TLN2: variants seen among roughly 807,000 people sequenced by gnomAD.
TLN2 encodes talin 2.
A neutral mutation model predicts 294.7 loss-of-function variants in TLN2; 118 were observed. The observed-to-expected ratio is 0.40, with a 90% CI of 0.34 to 0.47. The LOEUF is 0.47. TLN2 is among the 20% of genes least tolerant of loss of function. The pLI, the probability that TLN2 is intolerant of heterozygous loss-of-function variation, is 0.84. For missense variants in TLN2, 3,083 were observed against 3,282.2 expected, an observed-to-expected ratio of 0.94 and a Z score of 1.48; for synonymous variants, 1,431 against 1,304.5, an observed-to-expected ratio of 1.10 and a Z score of -2.09.
In TLN2 at chr15:62,650,195, C is replaced by A. The variant is rs1159092208; in HGVS notation, c.234+14C>A. The A allele has an allele frequency of 1.2e-6, 2 of 1,613,520 alleles. No homozygotes were observed. Among genetic ancestry groups the A allele is most frequent in the Admixed American group, 3.3e-5 (2 of 60,024 alleles). ...TTGCGGAATGGGGTATGCTGCCAATCCCAGTGCTGTTTCTTCATCCCTTTG... is the reference window on the plus strand; with the variant it reads ...TTGCGGAATGGGGTATGCTGCCAATACCAGTGCTGTTTCTTCATCCCTTTG... On this transcript the variant is annotated intron_variant, in intron 5 of 58. Transcript: ENST00000636159.
intron 51 of TLN2, 34 bp from the exon 52 acceptor site, chr15:62,809,891 A>C (rs368245724): frequency 2.5e-6 from 4 of 1,603,816 alleles, no homozygotes; most frequent in South Asian, 1.1e-5. Context: ...GGCTTTTCCC[A>C]TGTTAAGATT....
chr15:62,492,193 T>A (rs2038771234), intron 1 of TLN2, among the ~76,000 whole-genome samples: 1 of 151,972 alleles, frequency 6.6e-6, no homozygotes. Context: ...GGCTCACGCC[T>A]GTAATCCCAG....
Position 62,748,366 on chromosome 15 carries a change from C to T in TLN2, c.4041C>T (p.Ser1347=). 6.2e-7 allele frequency: 1 copy of T among 1,611,254 alleles called. No individual in the cohort carries two copies. Among genetic ancestry groups the T allele is most frequent in the Non-Finnish European group, 8.5e-7 (1 of 1,179,326 alleles). ...LAAAARAVTE[S]INQLITLCTQ... ...TCTGTCACAGAGCTGTGACAGAGAG[C>T]ATCAATCAACTCATCACTCTGTGTA... is the stretch of plus-strand genomic sequence containing the variant. The change falls in exon 33 of 59, where the codon AGC becomes AGT. Residue 1347 remains serine, a synonymous_variant. Transcript: ENST00000636159.
rs117823408 is a variant in TLN2 at position 62,437,793 on chromosome 15, A to G, written c.-238+47108A>G. On this transcript the variant is annotated intron_variant, in intron 1 of 58. Transcript: ENST00000636159. Reference sequence around the variant, plus strand: ...TGTGTGTCTGTCTGTCTGTCTGCCAATTGGTGCAGTGGCCTCTGCATCCTG... The same window carrying G: ...TGTGTGTCTGTCTGTCTGTCTGCCAGTTGGTGCAGTGGCCTCTGCATCCTG... Among the ~76,000 whole-genome samples the G allele has an allele frequency of 5.7e-4, 86 of 151,784 alleles. 1 individual carries two copies. In the East Asian group the frequency reaches 0.015, roughly 26 times the overall value.
intron 5 of TLN2, among the ~76,000 whole-genome samples, chr15:62,650,389 G>T (rs1488124958): frequency 6.6e-6 from 1 of 152,204 alleles, no homozygotes; most frequent in African/African-American, 2.4e-5. Context: ...GCAGTTCGAG[G>T]TTAGTATTTT....
chr15:62,427,099 C>T (rs1166741733), intron 1 of TLN2, among the ~76,000 whole-genome samples: 4 of 152,064 alleles, frequency 2.6e-5, no homozygotes, highest in Non-Finnish European at 5.9e-5. Context: ...GGAGCACCCC[C>T]GAGGTTATTG....
chr15:62,505,002 G>A (rs562997104), intron 1 of TLN2, among the ~76,000 whole-genome samples: 1 of 152,278 alleles, frequency 6.6e-6, no homozygotes, highest in African/African-American at 2.4e-5. Flanking sequence ...TGTTCCCCAG[G>A]CTGGAGTGTA....
intron 3 of TLN2, among the ~76,000 whole-genome samples, chr15:62,628,541 TAA>T (rs1194047566): frequency 2.0e-5 from 3 of 152,252 alleles, no homozygotes; most frequent in African/African-American, 7.2e-5. Context: ...CATGCTAAAA[TAA>T]AGACATTTTT....
At chr15:62,793,065 A>T (rs1007392510) in intron 46 of TLN2, among the ~76,000 whole-genome samples, 2 of 152,198 alleles carry the variant, frequency 1.3e-5, no homozygotes, top group Non-Finnish European at 2.9e-5. Context: ...CCGTAGGCAG[A>T]TTGTATCAAA....
intron 52 of TLN2, among the ~76,000 whole-genome samples, chr15:62,813,857 T>A (rs2066881426): frequency 6.6e-6 from 1 of 151,688 alleles, no homozygotes; most frequent in Non-Finnish European, 1.5e-5. Flanking sequence ...CCTCGTTGCC[T>A]GGGCTGGAGT....
intron 7 of TLN2, among the ~76,000 whole-genome samples, chr15:62,655,584 A>AGT (rs2053118732): frequency 1.7e-4 from 2 of 11,772 alleles, no homozygotes; most frequent in African/African-American, 1.9e-4. Flanking sequence ...CATTCATTGT[A>AGT]GCACATGTCA....
intron 11 of TLN2, among the ~76,000 whole-genome samples, chr15:62,682,732 C>T (rs1374843862): frequency 6.6e-6 from 1 of 152,082 alleles, no homozygotes; most frequent in Non-Finnish European, 1.5e-5. Flanking sequence ...ATCTGCTACA[C>T]CAAAACCCCA....
At chr15:62,626,633 T>C (rs769720295) in intron 3 of TLN2, among the ~76,000 whole-genome samples, 9 of 152,214 alleles carry the variant, frequency 5.9e-5, no homozygotes, top group Non-Finnish European at 1.0e-4. Flanking sequence ...CATGATGGCA[T>C]GGGCTGCTAG....
chr15:62,612,866 G>A (rs1290178448), intron 2 of TLN2, among the ~76,000 whole-genome samples: 1 of 152,164 alleles, frequency 6.6e-6, no homozygotes, highest in Non-Finnish European at 1.5e-5. Flanking sequence ...GATCTTCCAG[G>A]CTTTATGAAA....
chr15:62,525,913 A>T (rs945156386), intron 1 of TLN2, among the ~76,000 whole-genome samples: 1 of 152,172 alleles, frequency 6.6e-6, no homozygotes, highest in African/African-American at 2.4e-5. Flanking sequence ...TGTGGGATCT[A>T]TAACTCTGCC....
At chr15:62,583,902 T>C (rs946581185) in intron 1 of TLN2, among the ~76,000 whole-genome samples, 1 of 152,196 alleles carries the variant, frequency 6.6e-6, no homozygotes. Context: ...ATCTCTGTTT[T>C]TTTTGGTTGT....
intron 1 of TLN2, among the ~76,000 whole-genome samples, chr15:62,477,904 G>C (rs1037165474): frequency 3.4e-5 from 5 of 146,796 alleles, no homozygotes; most frequent in East Asian, 2.1e-4. Flanking sequence ...GGGGATGGAG[G>C]GGGGGGTGCA....
chr15:62,811,461 G>C (rs2066672077), intron 52 of TLN2, among the ~76,000 whole-genome samples: 2 of 152,186 alleles, frequency 1.3e-5, no homozygotes, highest in South Asian at 2.1e-4. Flanking sequence ...GCTTTCCAAA[G>C]ACCTCTTTTT....
At chr15:62,489,712 G>C (rs182766590) in intron 1 of TLN2, among the ~76,000 whole-genome samples, 3 of 152,300 alleles carry the variant, frequency 2.0e-5, no homozygotes, top group Non-Finnish European at 4.4e-5. Context: ...TGTGATCGCA[G>C]AGACCAAGTG....
Sources: gnomAD v4.1 joint callset for allele counts (sites outside exome capture counted in the v4.1 genomes callset) on GRCh38, gnomAD v4.1.1 for gene constraint, MANE v1.5 for transcripts, NCBI Gene and HGNC (gene_info 2026-07-23, HGNC 2026-07-21) for gene names.